The following ARHGAP15 variants were observed in gnomAD, a reference collection of about 807,000 sequenced individuals.
ARHGAP15 encodes the protein Rho GTPase activating protein 15, also known as rho GTPase-activating protein 15.
ARHGAP15 carries 51 observed loss-of-function variants against 63.7 expected under a neutral mutation model. The ratio of observed to expected loss-of-function variants is 0.80; its 90% CI spans 0.64 to 1.01. The LOEUF (loss-of-function observed/expected upper bound fraction) is 1.01, where lower values mean the gene tolerates loss of function less well. Ranked by LOEUF, ARHGAP15 falls within the 50% of genes least tolerant of loss-of-function variation. The probability of loss-of-function intolerance (pLI) is 0.00; values close to 1 mark genes in which losing one functional copy is unlikely to be tolerated. For synonymous variants in ARHGAP15, 191 were observed against 193.8 expected (o/e 0.99, Z 0.12); for missense variants, 560 against 564.6 (o/e 0.99, Z 0.08).
At chr2:143,259,653 G>A (rs1680617363) in intron 6 of ARHGAP15, among the ~76,000 whole-genome samples, 1 of 152,164 alleles carries the variant, frequency 6.6e-6, no homozygotes, top group Non-Finnish European at 1.5e-5. Context: ...AGAGCTTTAA[G>A]TGGTAAAATA....
intron 5 of ARHGAP15, among the ~76,000 whole-genome samples, chr2:143,239,134 A>G (rs554295389): frequency 3.3e-5 from 5 of 152,266 alleles, no homozygotes; most frequent in African/African-American, 7.2e-5. Flanking sequence ...CATGGCACAC[A>G]TTTAACTATG....
At chr2:143,674,548 A>G (rs961815913) in intron 12 of ARHGAP15, among the ~76,000 whole-genome samples, 1 of 152,182 alleles carries the variant, frequency 6.6e-6, no homozygotes. Context: ...ACTGTTGGTT[A>G]TGTGAGGGCC....
chr2:143,485,761 G>T (rs1174018096), intron 8 of ARHGAP15, among the ~76,000 whole-genome samples: 1 of 152,080 alleles, frequency 6.6e-6, no homozygotes, highest in African/African-American at 2.4e-5. Context: ...CTACAACAAA[G>T]AATTGTCTAC....
chr2:143,661,813 G>A (rs566520819), intron 12 of ARHGAP15, among the ~76,000 whole-genome samples: 10 of 152,308 alleles, frequency 6.6e-5, no homozygotes, highest in African/African-American at 1.7e-4. Flanking sequence ...GGTGACGGAC[G>A]CACCTGGAAA....
chr2:143,706,507 A>T (rs1485959652), intron 13 of ARHGAP15: 4 of 152,172 alleles, frequency 2.6e-5, no homozygotes, highest in Admixed American at 1.3e-4. Flanking sequence ...CCATTTTTGC[A>T]GAGCTCTGAG....
At chr2:143,208,953 C>T (rs772653152) in intron 3 of ARHGAP15, among the ~76,000 whole-genome samples, 1 of 152,048 alleles carries the variant, frequency 6.6e-6, no homozygotes, top group Non-Finnish European at 1.5e-5. Flanking sequence ...GGACAGAGCT[C>T]AGGAAGTTGC....
intron 8 of ARHGAP15, among the ~76,000 whole-genome samples, chr2:143,441,981 C>A (rs1378074229): frequency 1.3e-5 from 2 of 152,118 alleles, no homozygotes; most frequent in East Asian, 1.9e-4. Flanking sequence ...AGTTCCATAT[C>A]CCCTTAATGA....
intron 6 of ARHGAP15, among the ~76,000 whole-genome samples, chr2:143,378,138 A>C (rs1686896578): frequency 6.6e-6 from 1 of 151,998 alleles, no homozygotes; most frequent in Non-Finnish European, 1.5e-5. Context: ...ACTTTGGGAG[A>C]TATGTTTCAA....
chr2:143,347,026 CT>C (rs1380140691), intron 6 of ARHGAP15, among the ~76,000 whole-genome samples: 1 of 151,970 alleles, frequency 6.6e-6, no homozygotes, highest in Non-Finnish European at 1.5e-5. Flanking sequence ...ATCGAGAGGT[CT>C]TTTTGGTCTC....
In ARHGAP15 at chr2:143,242,986, A is replaced by T. The variant is rs533626161; in HGVS notation, c.385-7525A>T. Among the ~76,000 whole-genome samples the T allele has an allele frequency of 3.9e-5, 6 of 152,352 alleles. No individual in the cohort carries two copies. The South Asian group carries it at 1.2e-3, about 32-fold the overall frequency. ...TGGAATAGCAATTAATCCAAAATAAAAAATGGCGCTAATAACCTATTTCAT... is the reference window on the plus strand; with the variant it reads ...TGGAATAGCAATTAATCCAAAATAATAAATGGCGCTAATAACCTATTTCAT... On this transcript the variant is annotated intron_variant, in intron 5 of 13. Coordinates refer to ENST00000295095, the MANE Select transcript of ARHGAP15 (RefSeq NM_018460.4).
intron 1 of ARHGAP15, among the ~76,000 whole-genome samples, chr2:143,145,079 C>T (rs1477872369): frequency 1.3e-5 from 2 of 152,028 alleles, no homozygotes; most frequent in Non-Finnish European, 2.9e-5. Context: ...ACACATTGAC[C>T]ATTGAGAATT....
At chr2:143,372,002 G>A (rs978201079) in intron 6 of ARHGAP15, among the ~76,000 whole-genome samples, 2 of 135,814 alleles carry the variant, frequency 1.5e-5, no homozygotes, top group African/African-American at 3.0e-5. Flanking sequence ...TGTTCCCCAC[G>A]AGCCTATGGA....
At chr2:143,353,136 T>G (rs1467922994) in intron 6 of ARHGAP15, among the ~76,000 whole-genome samples, 1 of 151,900 alleles carries the variant, frequency 6.6e-6, no homozygotes, top group Non-Finnish European at 1.5e-5. Flanking sequence ...AAGCAAGAAA[T>G]GATTGACAAG....
intron 6 of ARHGAP15, among the ~76,000 whole-genome samples, chr2:143,402,578 A>T (rs1053617071): frequency 2.5e-4 from 2 of 8,096 alleles, no homozygotes. Flanking sequence ...CTAAATTGGA[A>T]GGGGGGGTGG....
At position 143,697,122 on chromosome 2, in the gene ARHGAP15, T is replaced by C. The variant is rs529709679; in HGVS notation, c.1139-6297T>C. Among the ~76,000 whole-genome samples the C allele has an allele frequency of 1.3e-5, 2 of 152,320 alleles. 1 individual carries two copies. Among genetic ancestry groups the C allele is most frequent in the South Asian group, 4.1e-4 (2 of 4,826 alleles). ...TGCAATGACACTTCTATTTATGATA[T>C]ACTGTAACTACTTAGGAATTTTAAC... On this transcript the variant is annotated intron_variant, in intron 12 of 13. Coordinates refer to ENST00000295095, the MANE Select transcript of ARHGAP15 (RefSeq NM_018460.4).
At chr2:143,418,298 T>TTCTC (rs1306272803) in intron 6 of ARHGAP15, among the ~76,000 whole-genome samples, 1 of 152,188 alleles carries the variant, frequency 6.6e-6, no homozygotes, top group East Asian at 1.9e-4. Flanking sequence ...GAGTTGTAGT[T>TTCTC]TCTCTTTTGC....
chr2:143,630,427 A>C (rs2105253287), intron 12 of ARHGAP15, among the ~76,000 whole-genome samples: 1 of 152,096 alleles, frequency 6.6e-6, no homozygotes, highest in South Asian at 2.1e-4. Context: ...AAAATCTTAC[A>C]GAAGAAGTTA....
intron 6 of ARHGAP15, among the ~76,000 whole-genome samples, chr2:143,386,667 A>G (rs1189883000): frequency 6.6e-6 from 1 of 152,232 alleles, no homozygotes; most frequent in Non-Finnish European, 1.5e-5. Flanking sequence ...TATCTTCAAA[A>G]TGGCCAGCTT....
chr2:143,694,314 A>G (rs1018350991), intron 12 of ARHGAP15, among the ~76,000 whole-genome samples: 7 of 152,236 alleles, frequency 4.6e-5, no homozygotes, highest in Non-Finnish European at 8.8e-5. Context: ...TCTACAACAT[A>G]CAATTTTCTA....
Sources: gnomAD v4.1 joint callset for allele counts (sites outside exome capture counted in the v4.1 genomes callset) on GRCh38, gnomAD v4.1.1 for gene constraint, MANE v1.5 for transcripts, NCBI Gene and HGNC (gene_info 2026-07-23, HGNC 2026-07-21) for gene names.